Variants in DAB2IP observed in about 807,000 individuals in gnomAD.
DAB2IP encodes the protein DAB2 interacting protein.
In DAB2IP, 28 loss-of-function variants were observed where a neutral mutation model predicts 107.2. The observed-to-expected ratio is 0.26, with a 90% CI of 0.19 to 0.36. The LOEUF (loss-of-function observed/expected upper bound fraction) is 0.36. Ranked by LOEUF, DAB2IP falls within the 10% of genes least tolerant of loss-of-function variation. DAB2IP has a pLI of 1.00. For missense variants in DAB2IP, 1,400 were observed against 1,644.7 expected (o/e 0.85, Z 2.57); for synonymous variants, 755 against 706.4 (o/e 1.07, Z -1.09).
chr9:121,751,318 C>T (rs1427626260), intron 3 of DAB2IP: 1 of 155,528 alleles, frequency 6.4e-6, no homozygotes, highest in African/African-American at 2.4e-5. Flanking sequence ...TGCATGTGAT[C>T]TTGGGCAGGT....
chr9:121,605,267 C>T (rs531020948), intron 1 of DAB2IP, among the ~76,000 whole-genome samples: 48 of 152,254 alleles, frequency 3.2e-4, no homozygotes, highest in Admixed American at 1.6e-3. Context: ...GTGATCCACC[C>T]GCCTCAGGCT....
intron 3 of DAB2IP, among the ~76,000 whole-genome samples, chr9:121,735,982 G>T (rs935458601): frequency 2.0e-5 from 3 of 152,196 alleles, no homozygotes; most frequent in African/African-American, 4.8e-5. Context: ...CCCTGCACCC[G>T]ACCTTTCCCT....
chr9:121,685,204 C>G (rs762652069), intron 2 of DAB2IP, among the ~76,000 whole-genome samples: 1 of 152,208 alleles, frequency 6.6e-6, no homozygotes, highest in Non-Finnish European at 1.5e-5. Flanking sequence ...TTAAACTATT[C>G]AAACCCAAAA....
At chr9:121,626,941 A>G (rs561731694) in intron 1 of DAB2IP, among the ~76,000 whole-genome samples, 3 of 152,288 alleles carry the variant, frequency 2.0e-5, no homozygotes, top group Admixed American at 2.0e-4. Flanking sequence ...AATTGAGCAG[A>G]AAGTACGAGA....
chr9:121,588,049 C>T (rs746767675), intron 1 of DAB2IP, among the ~76,000 whole-genome samples: 5 of 152,166 alleles, frequency 3.3e-5, no homozygotes, highest in African/African-American at 7.2e-5. Flanking sequence ...CCTATCCATG[C>T]GTTGAAGCCC....
intron 1 of DAB2IP, among the ~76,000 whole-genome samples, chr9:121,676,635 G>GCGCACACACACACACACA (rs759946988): frequency 1.1e-4 from 17 of 150,428 alleles, no homozygotes; most frequent in Non-Finnish European, 2.2e-4. Flanking sequence ...TTCTGCAGAC[G>GCGCACACACACACACACA]CACACACACA....
intron 3 of DAB2IP, among the ~76,000 whole-genome samples, chr9:121,707,807 C>T (rs1480415914): frequency 2.0e-5 from 3 of 152,204 alleles, no homozygotes; most frequent in African/African-American, 7.2e-5. Context: ...GTGTGAGCCT[C>T]AACAATTACT....
At chr9:121,672,438 C>T (rs1833722301) in intron 1 of DAB2IP, among the ~76,000 whole-genome samples, 1 of 152,198 alleles carries the variant, frequency 6.6e-6, no homozygotes, top group Admixed American at 6.5e-5. Flanking sequence ...AACAGTCATC[C>T]TTCATGATTA....
intron 1 of DAB2IP, among the ~76,000 whole-genome samples, chr9:121,640,673 C>T (rs1304857689): frequency 2.0e-5 from 3 of 152,152 alleles, no homozygotes. Context: ...GGCTAAACTC[C>T]AGCCCCAACT....
At chr9:121,673,410 C>A (rs746768338) in intron 1 of DAB2IP, among the ~76,000 whole-genome samples, 1 of 152,094 alleles carries the variant, frequency 6.6e-6, no homozygotes, top group African/African-American at 2.4e-5. Flanking sequence ...ATAGAGCTGC[C>A]CAGGTTGTCC....
chr9:121,673,743 G>A (rs767172372), intron 1 of DAB2IP, among the ~76,000 whole-genome samples: 6 of 152,122 alleles, frequency 3.9e-5, no homozygotes, highest in African/African-American at 1.2e-4. Context: ...GGCTGGCTCC[G>A]TGGGGAAGGT....
chr9:121,575,096 G>T (rs1233996131), intron 1 of DAB2IP: 1 of 152,390 alleles, frequency 6.6e-6, no homozygotes, highest in East Asian at 1.9e-4. Flanking sequence ...AGAGAGAAGA[G>T]TTGGTTTCCC....
At position 121,760,272 on chromosome 9, in the gene DAB2IP, C is replaced by A; in HGVS notation, c.1003C>A (p.Gln335Lys). The change falls in exon 6 of 16, where the codon CAA becomes AAA. Residue 335 changes from glutamine (Q) to lysine (K), a missense_variant. Coordinates refer to ENST00000408936, the Ensembl canonical transcript of DAB2IP. This position sits in a 1 kb window ranked among gnomAD's most constrained non-coding sequence, Gnocchi z 5.9. ...CATGATCCGCATCAAGGCGCGCTAC[C>A]AAACCATCACCATCCTGCCCATGGA... 3 of 1,613,912 alleles carry A rather than the reference C, an allele frequency of 1.9e-6. No homozygotes were observed. The highest frequency in any genetic ancestry group is 2.5e-6 in the Non-Finnish European group (3 of 1,180,026).
At chr9:121,707,551 CT>C (rs1564170390) in intron 3 of DAB2IP, among the ~76,000 whole-genome samples, 3 of 152,188 alleles carry the variant, frequency 2.0e-5, no homozygotes, top group African/African-American at 4.8e-5. Flanking sequence ...AAGCAGGGCC[CT>C]TGTTTTCAGG....
intron 1 of DAB2IP, among the ~76,000 whole-genome samples, chr9:121,581,239 A>G (rs990940940): frequency 1.3e-5 from 2 of 152,166 alleles, no homozygotes; most frequent in Admixed American, 6.5e-5. Flanking sequence ...AAGAAGACCC[A>G]GAGCCAAGGG....
intron 1 of DAB2IP, among the ~76,000 whole-genome samples, chr9:121,612,169 T>A (rs1209241462): frequency 6.6e-6 from 1 of 150,704 alleles, no homozygotes; most frequent in Non-Finnish European, 1.5e-5. Flanking sequence ...AAAAAAAAAA[T>A]TACCTGGGGC....
At chr9:121,638,250 A>T (rs1287379011) in intron 1 of DAB2IP, among the ~76,000 whole-genome samples, 1 of 152,232 alleles carries the variant, frequency 6.6e-6, no homozygotes, top group African/African-American at 2.4e-5. Context: ...TAAACAATAC[A>T]ACTATCTCCA....
At chr9:121,717,663 A>G (rs1225416481) in intron 3 of DAB2IP, among the ~76,000 whole-genome samples, 1 of 152,216 alleles carries the variant, frequency 6.6e-6, no homozygotes, top group African/African-American at 2.4e-5. Flanking sequence ...TCACCCTGCC[A>G]TGTGGCAACC....
intron 2 of DAB2IP, 167 bp downstream of exon 2, chr9:121,678,948 G>A (rs1828427881): frequency 4.8e-6 from 3 of 629,882 alleles, no homozygotes; most frequent in East Asian, 3.4e-5. Context: ...TCCCATCTCC[G>A]TGGCTCAGCC....
Sources: gnomAD v4.1 joint callset for allele counts (sites outside exome capture counted in the v4.1 genomes callset) on GRCh38, gnomAD v4.1.1 for gene constraint, Gnocchi (gnomAD v3.1) non-coding constraint, MANE v1.5 for transcripts, NCBI Gene and HGNC (gene_info 2026-07-23, HGNC 2026-07-21) for gene names.